The following TCF4 variants were observed in gnomAD, a reference collection of about 807,000 sequenced individuals.
The protein encoded by TCF4 is SL3-3 enhancer factor 2.
Under a neutral mutation model 82.1 loss-of-function variants are expected in TCF4, and 3 were observed. The ratio of observed to expected loss-of-function variants is 0.04; its 90% CI spans 0.02 to 0.09. The LOEUF is 0.09. Among genes scored for constraint, TCF4 ranks in the 10% least tolerant of loss-of-function variants. TCF4 has a pLI of 1.00. For missense variants in TCF4, 518 were observed against 852.7 expected, an observed-to-expected ratio of 0.61 and a Z score of 4.89; for synonymous variants, 276 against 309.6, an observed-to-expected ratio of 0.89 and a Z score of 1.14.
intron 5 of TCF4, among the ~76,000 whole-genome samples, chr18:55,436,156 C>T (rs571228306): frequency 1.3e-5 from 2 of 152,246 alleles, no homozygotes; most frequent in South Asian, 2.1e-4. Flanking sequence ...TTGAGTCTTT[C>T]CAAAAGTTAT....
intron 8 of TCF4, among the ~76,000 whole-genome samples, chr18:55,340,603 A>G (rs979419923): frequency 6.6e-6 from 1 of 150,468 alleles, no homozygotes; most frequent in Non-Finnish European, 1.5e-5. Flanking sequence ...AAAAAAAAAA[A>G]GCAATATTAC....
chr18:55,234,176 C>T (rs1599557747), intron 16 of TCF4, among the ~76,000 whole-genome samples: 1 of 152,132 alleles, frequency 6.6e-6, no homozygotes, highest in East Asian at 1.9e-4. Context: ...TCTTAAACAA[C>T]AAAAACAATT....
intron 5 of TCF4, among the ~76,000 whole-genome samples, chr18:55,419,013 G>T (rs1464002087): frequency 6.6e-6 from 1 of 151,458 alleles, no homozygotes; most frequent in East Asian, 1.9e-4. Flanking sequence ...CTATTTCTGT[G>T]TATCCAGATC....
At chr18:55,252,846 A>G (rs974259206) in intron 15 of TCF4, among the ~76,000 whole-genome samples, 7 of 152,174 alleles carry the variant, frequency 4.6e-5, no homozygotes, top group African/African-American at 1.7e-4. Flanking sequence ...TAAAAGCAGT[A>G]TGTTTAAACA....
intron 3 of TCF4, among the ~76,000 whole-genome samples, chr18:55,502,130 T>C (rs2096708797): frequency 6.6e-6 from 1 of 152,326 alleles, no homozygotes; most frequent in East Asian, 1.9e-4. Flanking sequence ...CTTTTATGCC[T>C]TTCTAACCTG....
At chr18:55,372,475 G>A (rs554596863) in intron 6 of TCF4, among the ~76,000 whole-genome samples, 1 of 152,022 alleles carries the variant, frequency 6.6e-6, no homozygotes, top group Admixed American at 6.6e-5. Flanking sequence ...GAACAAAAAT[G>A]TGACAGAAAA....
rs1450530576 is a variant in TCF4, at chr18:55,302,265, A to T, written c.550-22609T>A. ...TGGTAAAGTAACCCGGGCAGAGCGAATTAAAATGAAAGTTCTGGTGAATGC... is the reference window on the plus strand; with the variant it reads ...TGGTAAAGTAACCCGGGCAGAGCGATTTAAAATGAAAGTTCTGGTGAATGC... On this transcript the variant is annotated intron_variant, in intron 8 of 19. Coordinates refer to ENST00000354452, the MANE Select transcript of TCF4 (RefSeq NM_001083962.2). The T allele has an allele frequency of 4.3e-6, 3 of 705,222 alleles. No homozygotes were observed. The African/African-American group carries it at 5.3e-5, about 13-fold the overall frequency. The allele number at this position is 705,222 out of a possible 1,614,324, so 43.7% of individuals were successfully genotyped here.
chr18:55,398,257 G>A (rs1428661426), intron 6 of TCF4, among the ~76,000 whole-genome samples: 2 of 152,158 alleles, frequency 1.3e-5, no homozygotes, highest in African/African-American at 4.8e-5. Context: ...GCCGCTGCCC[G>A]AAAAATACCG....
chr18:55,312,977 T>C (rs2073024042), intron 8 of TCF4, among the ~76,000 whole-genome samples: 1 of 152,148 alleles, frequency 6.6e-6, no homozygotes, highest in African/African-American at 2.4e-5. Flanking sequence ...GCATACAAGT[T>C]TCTGCTGCAA....
chr18:55,261,257 T>C, intron 12 of TCF4: 1 of 638,232 alleles, frequency 1.6e-6, no homozygotes, highest in Non-Finnish European at 2.8e-6. Context: ...TGCAGCTTAG[T>C]ACCATTTTGA....
intron 8 of TCF4, among the ~76,000 whole-genome samples, chr18:55,292,696 A>ATGTGTG (rs35399017): frequency 0.075 from 11,355 of 151,140 alleles, 641 homozygotes; most frequent in African/African-American, 0.15. Context: ...ATAGACATGA[A>ATGTGTG]TGTGTGTGTG....
intron 3 of TCF4, chr18:55,492,134 A>T (rs960794797): frequency 6.6e-6 from 1 of 152,144 alleles, no homozygotes; most frequent in African/African-American, 2.4e-5. Context: ...ACCTAAGTTA[A>T]TCTCAGACTC....
At chr18:55,362,550 A>G (rs1245273904) in intron 6 of TCF4, among the ~76,000 whole-genome samples, 1 of 152,208 alleles carries the variant, frequency 6.6e-6, no homozygotes, top group East Asian at 1.9e-4. Context: ...TGCTTATTCC[A>G]TAAAATCTTT....
At chr18:55,389,893 T>G (rs2092929111) in intron 6 of TCF4, among the ~76,000 whole-genome samples, 1 of 151,524 alleles carries the variant, frequency 6.6e-6, no homozygotes, top group Non-Finnish European at 1.5e-5. Flanking sequence ...GCAGAATTGA[T>G]GAGATCTGGA....
chr18:55,314,192 C>T (rs2073429386), intron 8 of TCF4, among the ~76,000 whole-genome samples: 1 of 152,150 alleles, frequency 6.6e-6, no homozygotes, highest in African/African-American at 2.4e-5. Context: ...ACTTGTTACA[C>T]ATTTATCCCA....
chr18:55,430,313 G>A (rs4500831), intron 5 of TCF4, among the ~76,000 whole-genome samples: 90,863 of 152,036 alleles, frequency 0.6, 29,033 homozygotes, highest in Non-Finnish European at 0.71. Flanking sequence ...AGTAAGTGGG[G>A]GGAAGCAGAA....
intron 6 of TCF4, chr18:55,351,645 A>G (rs1345033169): frequency 5.5e-6 from 1 of 181,946 alleles, no homozygotes; most frequent in Non-Finnish European, 1.1e-5. Context: ...TCGGAAGCTA[A>G]GACACATCCC....
intron 5 of TCF4, among the ~76,000 whole-genome samples, chr18:55,445,188 T>G: frequency 6.6e-6 from 1 of 152,154 alleles, no homozygotes; most frequent in East Asian, 1.9e-4. Flanking sequence ...CACGCTTCAT[T>G]GAAAATCTGA....
intron 8 of TCF4, among the ~76,000 whole-genome samples, chr18:55,336,998 C>A (rs2078784395): frequency 6.6e-6 from 1 of 152,050 alleles, no homozygotes; most frequent in South Asian, 2.1e-4. Flanking sequence ...CGAAATTTTG[C>A]ACAAACAGAA....
Sources: gnomAD v4.1 joint callset for allele counts (sites outside exome capture counted in the v4.1 genomes callset) on GRCh38, gnomAD v4.1.1 for gene constraint, MANE v1.5 for transcripts, NCBI Gene and HGNC (gene_info 2026-07-23, HGNC 2026-07-21) for gene names.